Variants in ECT2L observed in about 807,000 individuals in gnomAD.
ECT2L encodes the protein epithelial cell-transforming sequence 2 oncogene-like.
A neutral mutation model predicts 122.8 loss-of-function variants in ECT2L; 126 were observed. The ratio of observed to expected loss-of-function variants is 1.03; its 90% CI spans 0.89 to 1.19. The LOEUF (loss-of-function observed/expected upper bound fraction) is 1.19, where lower values mean the gene tolerates loss of function less well. Among genes scored for constraint, ECT2L ranks in the 50% most tolerant of loss-of-function variants. The pLI is 0.00. For missense variants in ECT2L, 1,012 were observed against 1,064.1 expected (o/e 0.95, Z 0.68); for synonymous variants, 385 against 381.8 (o/e 1.01, Z -0.10).
Position 138,885,540 on chromosome 6 carries a change from T to A in ECT2L, c.2063T>A (p.Leu688Gln), listed in dbSNP as rs755085374. 6.2e-7 allele frequency: 1 copy of A among 1,614,218 alleles called. No individual in the cohort carries two copies. The highest frequency in any genetic ancestry group is 1.1e-5 in the South Asian group (1 of 91,084). Residue 688 changes from leucine to glutamine, a missense_variant, in exon 17 of 22, where the codon CTG (leucine) becomes CAG (glutamine). Leu to Gln is a moderately radical substitution (Grantham distance 113, BLOSUM62 -2). Coordinates refer to ENST00000541398, the MANE Select transcript of ECT2L (RefSeq NM_001077706.3). The part of the protein sequence containing the change: ...REMIPAFRTF[L>Q]KRHDKTIVTK... ...ATGATACCAGCATTCCGAACTTTCC[T>A]GAAGAGGCATGATAAGACCATTGTT...
At chr6:138,811,755 C>T (rs1775907171) in intron 1 of ECT2L, among the ~76,000 whole-genome samples, 1 of 152,166 alleles carries the variant, frequency 6.6e-6, no homozygotes, top group Non-Finnish European at 1.5e-5. Flanking sequence ...TCATGGCTCA[C>T]TACAACCGCT....
At chr6:138,829,033 T>C (rs558413194) in intron 4 of ECT2L, among the ~76,000 whole-genome samples, 3 of 152,144 alleles carry the variant, frequency 2.0e-5, no homozygotes, top group South Asian at 2.1e-4. Context: ...TTTTTTTTTT[T>C]TTTTGTAGAG....
At chr6:138,838,216 A>G (rs769548934) in intron 4 of ECT2L, 136 bp from the exon 5 acceptor site, 30 of 957,040 alleles carry the variant, frequency 3.1e-5, no homozygotes, top group Non-Finnish European at 4.1e-5. Context: ...AATTTTTTAA[A>G]TCTAGATTTA....
intron 14 of ECT2L, among the ~76,000 whole-genome samples, chr6:138,878,368 T>C (rs368185744): frequency 2.6e-5 from 4 of 151,600 alleles, no homozygotes; most frequent in African/African-American, 9.7e-5. Context: ...GTTAAAACAA[T>C]GAGAGCAAGA....
At chr6:138,821,790 T>C (rs1776276589) in intron 4 of ECT2L, among the ~76,000 whole-genome samples, 1 of 152,204 alleles carries the variant, frequency 6.6e-6, no homozygotes, top group East Asian at 1.9e-4. Flanking sequence ...TATATTCTAG[T>C]AGAATAAAAC....
At chr6:138,892,656 G>A (rs1285871092) in intron 20 of ECT2L, among the ~76,000 whole-genome samples, 1 of 152,102 alleles carries the variant, frequency 6.6e-6, no homozygotes, top group East Asian at 1.9e-4. Flanking sequence ...ACCACGTCTG[G>A]CTAATTTTTG....
chr6:138,875,786 T>C (rs1215072022), intron 13 of ECT2L, among the ~76,000 whole-genome samples: 2 of 152,188 alleles, frequency 1.3e-5, no homozygotes, highest in Non-Finnish European at 2.9e-5. Flanking sequence ...AATAACCTAT[T>C]TGCCCTCAAC....
At chr6:138,857,284 C>G (rs935233327) in intron 10 of ECT2L, among the ~76,000 whole-genome samples, 3 of 152,196 alleles carry the variant, frequency 2.0e-5, no homozygotes, top group Non-Finnish European at 4.4e-5. Context: ...CAGAGGTTCT[C>G]AGACTTGAGC....
At position 138,862,673 on chromosome 6, in the gene ECT2L, G is replaced by T. The variant is rs200520042; in HGVS notation, c.1245G>T (p.Thr415=). 8.2e-5 allele frequency: 132 copies of T among 1,614,030 alleles called. No homozygotes were observed. In the South Asian group the frequency reaches 1.4e-3, roughly 17 times the overall value. ...VLSQLSQLTG[T]FFTAPTGIAT... ...CCCAGCTGTCTCAACTAACTGGCAC[G>T]TTCTTTACGGCCCCCACTGGGATTG... Residue 415 remains threonine, a synonymous_variant, in exon 11 of 22, where the codon ACG becomes ACT. Coordinates refer to ENST00000541398, the MANE Select transcript of ECT2L (RefSeq NM_001077706.3).
intron 4 of ECT2L, among the ~76,000 whole-genome samples, chr6:138,816,077 G>C (rs1277961934): frequency 6.6e-6 from 1 of 152,156 alleles, no homozygotes; most frequent in African/African-American, 2.4e-5. Context: ...AAATCAGGGG[G>C]AAGACATTTT....
At chr6:138,852,969 A>G (rs1179891863) in intron 9 of ECT2L, among the ~76,000 whole-genome samples, 5 of 151,632 alleles carry the variant, frequency 3.3e-5, no homozygotes, top group East Asian at 3.9e-4. Flanking sequence ...TTGTTTGTTT[A>G]TTTTTTGTTT....
At chr6:138,813,388 T>C (rs1775965145) in intron 3 of ECT2L, 48 bp downstream of exon 3, 1 of 1,460,060 alleles carries the variant, frequency 6.8e-7, no homozygotes, top group East Asian at 2.3e-5. Flanking sequence ...GTAAGGTTAA[T>C]TTTCCTGTGA....
intron 4 of ECT2L, among the ~76,000 whole-genome samples, chr6:138,820,768 G>C (rs1272786365): frequency 6.6e-6 from 1 of 152,172 alleles, no homozygotes; most frequent in African/African-American, 2.4e-5. Flanking sequence ...AAGTGATTCA[G>C]AAATGAGTTA....
Position 138,901,019 on chromosome 6 carries a change from C to T in ECT2L, c.2486C>T (p.Thr829Ile), listed in dbSNP as rs1025835663. 5 of 1,614,200 alleles carry T rather than the reference C, an allele frequency of 3.1e-6. No individual in the cohort carries two copies. The highest frequency in any genetic ancestry group is 4.2e-6 in the Non-Finnish European group (5 of 1,180,024). Residue 829 changes from threonine to isoleucine, a missense_variant, in exon 21 of 22, where the codon ACA (threonine) becomes ATA (isoleucine). Thr to Ile is a moderately conservative substitution (Grantham distance 89). Coordinates refer to ENST00000541398, the MANE Select transcript of ECT2L (RefSeq NM_001077706.3). ...NDALLVSSRG[T>I]SHTPFERTSK... ...GCCCTGCTCGTTTCTAGTCGGGGCA[C>T]ATCTCACACTCCATTTGAGAGGACT...
Position 138,846,600 on chromosome 6 carries a change from CATAAA to C in ECT2L, c.828_832del (p.His276GlnfsTer2). 6.2e-7 allele frequency: 1 copy of C among 1,610,974 alleles called. No homozygotes were observed. Among genetic ancestry groups the C allele is most frequent in the Non-Finnish European group, 8.5e-7 (1 of 1,179,110 alleles). On this transcript the variant is annotated frameshift_variant, in exon 8 of 22. Coordinates refer to ENST00000541398, the MANE Select transcript of ECT2L (RefSeq NM_001077706.3). LOFTEE classifies it high-confidence loss of function. ...ATCAAAGAAAAATTGGCATGGAGTT[CATAAA>C]AATGATGACAGATCTTCATATGCTC...
At chr6:138,813,099 A>C in intron 2 of ECT2L, 73 bp from the exon 3 acceptor site, 1 of 530,794 alleles carries the variant, frequency 1.9e-6, no homozygotes, top group Non-Finnish European at 3.3e-6. Context: ...TTATAATTCT[A>C]TCTATATGTT....
intron 1 of ECT2L, among the ~76,000 whole-genome samples, chr6:138,810,211 G>T (rs1038927987): frequency 6.6e-6 from 1 of 152,172 alleles, no homozygotes; most frequent in African/African-American, 2.4e-5. Flanking sequence ...TCAGGGATTT[G>T]CACAGTTGGA....
At chr6:138,875,675 G>A (rs1323495176) in intron 13 of ECT2L, among the ~76,000 whole-genome samples, 1 of 152,220 alleles carries the variant, frequency 6.6e-6, no homozygotes, top group Non-Finnish European at 1.5e-5. Flanking sequence ...TAAATGTGCA[G>A]GTCTAGAAAG....
At position 138,834,553 on chromosome 6, in the gene ECT2L, T is replaced by C. The variant is rs181287870; in HGVS notation, c.180-3799T>C. 1.6e-3 allele frequency among the ~76,000 whole-genome samples: 239 copies of C among 152,276 alleles called. 1 individual carries two copies. Among genetic ancestry groups the C allele is most frequent in the African/African-American group, 5.4e-3 (225 of 41,570 alleles). The stretch of plus-strand genomic sequence containing the variant: ...GGTAGTAGACATGAAAATCTAAAGA[T>C]ACTGAGACCCTTCTTTGGAAAGGAG... On this transcript the variant is annotated intron_variant, in intron 4 of 21. Transcript: ENST00000541398.
Sources: allele counts gnomAD v4.1 joint callset (sites outside exome capture counted in the v4.1 genomes callset), GRCh38; gene constraint gnomAD v4.1.1; transcripts MANE v1.5; gene names NCBI Gene and HGNC (gene_info 2026-07-23, HGNC 2026-07-21).